DLG3: variants seen among roughly 807,000 people sequenced by gnomAD.
The protein encoded by DLG3 is disks large homolog 3.
DLG3 carries 1 observed loss-of-function variant against 64.1 expected under a neutral mutation model. The ratio of observed to expected loss-of-function variants is 0.02; its 90% CI spans 0.01 to 0.07. DLG3 has a LOEUF of 0.07. Ranked by LOEUF, DLG3 falls within the 10% of genes least tolerant of loss-of-function variation. The probability of loss-of-function intolerance (pLI) is 1.00; values close to 1 mark genes in which losing one functional copy is unlikely to be tolerated. For synonymous variants in DLG3, 245 were observed against 259.8 expected (o/e 0.94, Z 0.55); for missense variants, 429 against 669.5 (o/e 0.64, Z 3.96).
chrX:70,502,090 A>T, intron 18 of DLG3, 73 bp from the exon 19 acceptor site: 1 of 771,478 alleles, frequency 1.3e-6, no homozygotes, highest in Non-Finnish European at 2.0e-6. Context: ...GATTGTTGGG[A>T]GAGGCAGGAT....
chrX:70,455,032 C>T, intron 9 of DLG3: 1 of 753,837 alleles, frequency 1.3e-6, no homozygotes, highest in Non-Finnish European at 1.6e-6. Context: ...CGGCTGAGGG[C>T]GGCCTCCAGC....
chrX:70,455,172 G>C lies in DLG3; in HGVS notation c.1405+856G>C, dbSNP rs1382383009. The C allele has an allele frequency of 5.3e-6, 4 of 749,197 alleles. No homozygotes were observed. The African/African-American group carries it at 9.5e-5, about 18-fold the overall frequency. 61.7% of individuals were successfully genotyped at this position (749,197 alleles called of 1,213,427 possible). ...CTCCTCCCCTCCTCCCGCGCGCCCC[G>C]CTTTGTGTCCGTGGTCTCCCGCGCG... On this transcript the variant is annotated intron_variant, in intron 9 of 18. Coordinates refer to ENST00000374360, the MANE Select transcript of DLG3 (RefSeq NM_021120.4).
intron 3 of DLG3, 33 bp from the exon 4 acceptor site, chrX:70,449,657 C>T (rs766391232): frequency 1.2e-5 from 15 of 1,204,329 alleles, no homozygotes; most frequent in Non-Finnish European, 1.7e-5. Flanking sequence ...GGGGTAGGGG[C>T]ACAGTGTCAT....
chrX:70,486,650 CT>C lies in DLG3; in HGVS notation c.1521-5438del, dbSNP rs371561978. On this transcript the variant is annotated intron_variant, in intron 10 of 18. Coordinates refer to ENST00000374360, the MANE Select transcript of DLG3 (RefSeq NM_021120.4). ...GGTATTAAGAGACAAATACCTTTTGCTTTTTTTTTTTTTTTTTTTCATGCTC... is the reference window on the plus strand; with the variant it reads ...GGTATTAAGAGACAAATACCTTTTGCTTTTTTTTTTTTTTTTTTCATGCTC... 6.5e-3 allele frequency among the ~76,000 whole-genome samples: 467 copies of C among 71,554 alleles called. 1 individual carries two copies. Among genetic ancestry groups the C allele is most frequent in the African/African-American group, 0.015 (310 of 20,071 alleles). 62.1% of individuals were successfully genotyped at this position (71,554 alleles called of 115,157 possible).
intron 9 of DLG3, among the ~76,000 whole-genome samples, chrX:70,472,528 C>T (rs931022277): frequency 1.8e-5 from 2 of 111,283 alleles, no homozygotes; most frequent in Non-Finnish European, 3.8e-5. Flanking sequence ...GCACTCCAGC[C>T]TGGGTGACAG....
intron 9 of DLG3, among the ~76,000 whole-genome samples, chrX:70,466,943 G>C (rs1301353851): frequency 9.2e-6 from 1 of 108,601 alleles, no homozygotes; most frequent in Non-Finnish European, 1.9e-5. Context: ...GACAGGGTCT[G>C]GCTTTGTCAC....
chrX:70,449,081 A>G (rs1333079658), intron 2 of DLG3, 118 bp downstream of exon 2: 94 of 869,755 alleles, frequency 1.1e-4, no homozygotes, highest in Non-Finnish European at 1.5e-4. Flanking sequence ...GAGGATGGTG[A>G]AACAGCGGCC....
At chrX:70,462,816 T>A (rs767142251) in intron 9 of DLG3, among the ~76,000 whole-genome samples, 5 of 112,014 alleles carry the variant, frequency 4.5e-5, no homozygotes, top group Admixed American at 1.9e-4. Flanking sequence ...TGGCTTTTTT[T>A]AAAAGTAGCT....
rs1260052688 is a variant in DLG3 at position 70,445,499 on chromosome X, G to A, written c.298G>A (p.Gly100Ser). 4.2e-6 allele frequency: 5 copies of A among 1,196,003 alleles called. No individual in the cohort carries two copies. Among genetic ancestry groups the A allele is most frequent in the Non-Finnish European group, 1.1e-6 (1 of 887,951 alleles). Residue 100 changes from glycine to serine, a missense_variant, in exon 1 of 19, where the codon GGC (glycine) becomes AGC (serine). By Grantham distance (56) the Gly-to-Ser change is moderately conservative. Coordinates refer to ENST00000374360, the MANE Select transcript of DLG3 (RefSeq NM_021120.4). Reference protein sequence around the residue: ...VPGKSTPKLNGSGPSWWPECT... With the variant: ...VPGKSTPKLNSSGPSWWPECT... Reference sequence around the variant, plus strand: ...GGGCAAGAGCACCCCCAAACTCAACGGCAGCGGCCCCAGCTGGTGGCCAGA... The same window carrying A: ...GGGCAAGAGCACCCCCAAACTCAACAGCAGCGGCCCCAGCTGGTGGCCAGA...
At position 70,445,061 on chromosome X, in the gene DLG3, C is replaced by T; in HGVS notation, c.-141C>T. 1 of 439,308 alleles carries T rather than the reference C, an allele frequency of 2.3e-6. No individual in the cohort carries two copies. The highest frequency in any genetic ancestry group is 3.5e-6 in the Non-Finnish European group (1 of 289,423). The allele number at this position is 439,308 out of a possible 1,213,427, so 36.2% of individuals were successfully genotyped here. ...CAGGCCCCGCTCAGCCCGGGCGCCC[C>T]CACGGGTGCCCCCCCCTTCTTGGTC... On this transcript the variant is annotated 5_prime_UTR_variant, in exon 1 of 19. Coordinates refer to ENST00000374360, the MANE Select transcript of DLG3 (RefSeq NM_021120.4).
intron 8 of DLG3, 56 bp from the exon 9 acceptor site, chrX:70,454,158 G>T (rs2086660793): frequency 9.2e-7 from 1 of 1,092,889 alleles, no homozygotes; most frequent in Non-Finnish European, 1.3e-6. Flanking sequence ...AACTGCTAAT[G>T]CAGAGGACCC....
intron 10 of DLG3, among the ~76,000 whole-genome samples, chrX:70,483,919 A>C (rs2087210550): frequency 8.9e-6 from 1 of 112,169 alleles, no homozygotes; most frequent in Admixed American, 9.5e-5. Context: ...GCCCACTGGA[A>C]GAGTCCACAG....
chrX:70,462,939 G>T (rs1231305107), intron 9 of DLG3, among the ~76,000 whole-genome samples: 1 of 110,644 alleles, frequency 9.0e-6, no homozygotes, highest in African/African-American at 3.3e-5. Context: ...GTTTGTTTTG[G>T]GCTTTTCTTT....
chrX:70,477,407 G>A (rs1390450783), intron 9 of DLG3, among the ~76,000 whole-genome samples: 3 of 112,152 alleles, frequency 2.7e-5, no homozygotes. Context: ...GAACAAATGA[G>A]AAACAATCCC....
chrX:70,494,947 AT>A (rs2087426892), intron 12 of DLG3, among the ~76,000 whole-genome samples: 1 of 112,438 alleles, frequency 8.9e-6, no homozygotes, highest in Non-Finnish European at 1.9e-5. Flanking sequence ...ACACGCGGAC[AT>A]TTGCTCTTTC....
Position 70,450,254 on chromosome X carries a change from G to T in DLG3, c.789G>T (p.Gly263=). ...NSIYITKIIE[G]GAAQKDGRLQ... Reference sequence around the variant, plus strand: ...TCTACATCACCAAGATCATTGAGGGGGGTGCTGCTCAGAAGGATGGACGCC... The same window carrying T: ...TCTACATCACCAAGATCATTGAGGGTGGTGCTGCTCAGAAGGATGGACGCC... Residue 263 remains glycine, a synonymous_variant, in exon 5 of 19, where the codon GGG becomes GGT. Coordinates refer to ENST00000374360, the MANE Select transcript of DLG3 (RefSeq NM_021120.4). 1 of 1,203,740 alleles carries T rather than the reference G, an allele frequency of 8.3e-7. No individual in the cohort carries two copies. Among genetic ancestry groups the T allele is most frequent in the African/African-American group, 1.7e-5 (1 of 57,641 alleles).
chrX:70,464,850 G>C (rs12835053), intron 9 of DLG3, among the ~76,000 whole-genome samples: 2 of 111,292 alleles, frequency 1.8e-5, no homozygotes, highest in Non-Finnish European at 3.8e-5. Flanking sequence ...CAGCTACTCA[G>C]GAGGTTGAGG....
chrX:70,488,878 ACCATAGCTTAAAAAAGCATTGT>A (rs2087305288), intron 10 of DLG3, among the ~76,000 whole-genome samples: 1 of 112,496 alleles, frequency 8.9e-6, no homozygotes, highest in Non-Finnish European at 1.9e-5. Context: ...CTTTTACAAA[ACCATAGCTTAAAAAAGCATTGT>A]CCATCCTGTT....
chrX:70,493,581 G>A (rs2087400722), intron 12 of DLG3: 2 of 657,585 alleles, frequency 3.0e-6, no homozygotes, highest in Non-Finnish European at 2.4e-6. Flanking sequence ...GTGTGGCCTC[G>A]TGCCTGCCTG....
Sources: allele counts gnomAD v4.1 joint callset (sites outside exome capture counted in the v4.1 genomes callset), GRCh38; gene constraint gnomAD v4.1.1; transcripts MANE v1.5; gene names NCBI Gene and HGNC (gene_info 2026-07-23, HGNC 2026-07-21).